CACNA2D2: variants seen among roughly 807,000 people sequenced by gnomAD.
CACNA2D2 encodes calcium voltage-gated channel auxiliary subunit alpha2delta 2.
A neutral mutation model predicts 166.4 loss-of-function variants in CACNA2D2; 48 were observed. The ratio of observed to expected loss-of-function variants is 0.29; its 90% CI spans 0.23 to 0.37. The LOEUF is 0.37. Ranked by LOEUF, CACNA2D2 falls within the 10% of genes least tolerant of loss-of-function variation. The pLI, the probability that CACNA2D2 is intolerant of heterozygous loss-of-function variation, is 1.00. For synonymous variants in CACNA2D2, 561 were observed against 573.7 expected (o/e 0.98, Z 0.32); for missense variants, 1,122 against 1,433.0 (o/e 0.78, Z 3.50).
At chr3:50,433,745 C>G (rs1362765092) in intron 3 of CACNA2D2, among the ~76,000 whole-genome samples, 3 of 152,178 alleles carry the variant, frequency 2.0e-5, no homozygotes, top group African/African-American at 7.2e-5. Flanking sequence ...TGTTACCCCT[C>G]AGAACTATAG....
chr3:50,420,886 G>A (rs1707526742), intron 3 of CACNA2D2, among the ~76,000 whole-genome samples: 1 of 152,188 alleles, frequency 6.6e-6, no homozygotes, highest in Non-Finnish European at 1.5e-5. Flanking sequence ...CTGTGAGTGG[G>A]AAAGGCCACT....
intron 3 of CACNA2D2, among the ~76,000 whole-genome samples, chr3:50,425,217 C>G (rs1375885424): frequency 2.6e-5 from 4 of 152,210 alleles, no homozygotes; most frequent in African/African-American, 9.7e-5. Context: ...CCAAACCTTC[C>G]AGGTTCCCCT....
chr3:50,378,960 T>C lies in CACNA2D2; in HGVS notation c.1294A>G (p.Asn432Asp). 2 of 1,613,862 alleles carry C rather than the reference T, an allele frequency of 1.2e-6. No homozygotes were observed. The highest frequency in any genetic ancestry group is 1.7e-6 in the Non-Finnish European group (2 of 1,180,008). Residue 432 changes from asparagine (N) to aspartate (D), a missense_variant, in exon 13 of 38, where the codon AAC (asparagine) becomes GAC (aspartate). Asn to Asp is a conservative substitution (Grantham distance 23). Transcript: ENST00000424201. ...RVFTFSVGQH[N>D]YDVTPLQWMA... ...CACTGCAGCGGTGTGACGTCATAGT[T>C]ATGCTGCCCCACGGAGAAAGTAAAC...
chr3:50,471,387 G>T (rs1480765976), intron 2 of CACNA2D2, among the ~76,000 whole-genome samples: 3 of 152,148 alleles, frequency 2.0e-5, no homozygotes, highest in Admixed American at 6.5e-5. Context: ...GTGGGGTCTA[G>T]GGGGGACAGC....
intron 4 of CACNA2D2, among the ~76,000 whole-genome samples, chr3:50,387,839 C>CA (rs922980189): frequency 1.3e-5 from 2 of 152,320 alleles, no homozygotes; most frequent in East Asian, 1.9e-4. Flanking sequence ...TGCAGTACCC[C>CA]TCGACTGAGA....
chr3:50,409,814 C>T (rs1274381267), intron 3 of CACNA2D2, among the ~76,000 whole-genome samples: 1 of 152,190 alleles, frequency 6.6e-6, no homozygotes, highest in Non-Finnish European at 1.5e-5. Flanking sequence ...GTGGATCAGA[C>T]AGCGTGGAGT....
chr3:50,458,621 G>A (rs1178881143), intron 2 of CACNA2D2, among the ~76,000 whole-genome samples: 1 of 152,240 alleles, frequency 6.6e-6, no homozygotes, highest in Non-Finnish European at 1.5e-5. Flanking sequence ...GAAAGCAATG[G>A]TGCCTGGCGA....
intron 4 of CACNA2D2, among the ~76,000 whole-genome samples, chr3:50,388,183 G>A (rs1705709336): frequency 6.6e-6 from 1 of 152,212 alleles, no homozygotes; most frequent in Non-Finnish European, 1.5e-5. Context: ...CCTGTCCCTG[G>A]CCCATGTCTG....
intron 1 of CACNA2D2, among the ~76,000 whole-genome samples, chr3:50,476,485 T>C (rs1251911862): frequency 6.6e-6 from 1 of 152,204 alleles, no homozygotes; most frequent in Non-Finnish European, 1.5e-5. Flanking sequence ...GCAGTGAGGC[T>C]ACTTTTCATT....
intron 3 of CACNA2D2, among the ~76,000 whole-genome samples, chr3:50,414,848 G>A (rs1707194441): frequency 6.6e-6 from 1 of 152,264 alleles, no homozygotes; most frequent in South Asian, 2.1e-4. Context: ...GCGGCGCAGG[G>A]CTCCGGGAGC....
intron 2 of CACNA2D2, among the ~76,000 whole-genome samples, chr3:50,442,661 G>T (rs990772133): frequency 6.6e-6 from 1 of 152,176 alleles, no homozygotes; most frequent in Non-Finnish European, 1.5e-5. Flanking sequence ...CAGGGCCCAT[G>T]GGGCACTGGC....
At chr3:50,498,980 G>A (rs1351751339) in intron 1 of CACNA2D2, among the ~76,000 whole-genome samples, 3 of 152,230 alleles carry the variant, frequency 2.0e-5, no homozygotes, top group African/African-American at 7.2e-5. Flanking sequence ...CATGACCACG[G>A]GCTCTGAGGT....
chr3:50,394,509 G>A (rs1706050595), intron 3 of CACNA2D2, among the ~76,000 whole-genome samples: 1 of 152,220 alleles, frequency 6.6e-6, no homozygotes, highest in Admixed American at 6.5e-5. Context: ...AAGCTCCTCT[G>A]GAGCTAAGGC....
intron 3 of CACNA2D2, among the ~76,000 whole-genome samples, chr3:50,425,686 T>C (rs981825018): frequency 6.6e-6 from 1 of 152,130 alleles, no homozygotes; most frequent in African/African-American, 2.4e-5. Context: ...CTCCACCTCT[T>C]TGCATCTGCT....
Position 50,402,896 on chromosome 3 carries a change from G to A in CACNA2D2, c.406-8728C>T, listed in dbSNP as rs547435830. 2.2e-4 allele frequency among the ~76,000 whole-genome samples: 34 copies of A among 151,420 alleles called. No homozygotes were observed. In the South Asian group the frequency reaches 2.7e-3, roughly 12 times the overall value. Reference sequence around the variant, plus strand: ...TGAGGGTACCCATCCAGGGGCCGTCGGCCACTCTGGCTAGGGGAGCAGGGA... The same window carrying A: ...TGAGGGTACCCATCCAGGGGCCGTCAGCCACTCTGGCTAGGGGAGCAGGGA... On this transcript the variant is annotated intron_variant, in intron 3 of 37. Coordinates refer to ENST00000424201, the MANE Select transcript of CACNA2D2 (RefSeq NM_006030.4).
chr3:50,408,594 G>A (rs947665197), intron 3 of CACNA2D2, among the ~76,000 whole-genome samples: 1 of 152,250 alleles, frequency 6.6e-6, no homozygotes, highest in South Asian at 2.1e-4. Context: ...TTATTACGAG[G>A]AGTAAAGGCG....
At chr3:50,473,908 C>A (rs760705914) in intron 2 of CACNA2D2, among the ~76,000 whole-genome samples, 1 of 152,204 alleles carries the variant, frequency 6.6e-6, no homozygotes, top group Admixed American at 6.5e-5. Context: ...GCCGCTGGAG[C>A]GCTGGCAGCC....
intron 3 of CACNA2D2, among the ~76,000 whole-genome samples, chr3:50,408,545 TG>T (rs988874421): frequency 1.3e-5 from 2 of 152,248 alleles, no homozygotes; most frequent in Non-Finnish European, 2.9e-5. Context: ...CTCTGAATAC[TG>T]GCTGCATCCT....
Position 50,380,135 on chromosome 3 carries a change from G to T in CACNA2D2, c.843-117C>A. 1 of 1,027,724 alleles carries T rather than the reference G, an allele frequency of 9.7e-7. No homozygotes were observed. Among genetic ancestry groups the T allele is most frequent in the Non-Finnish European group, 1.5e-6 (1 of 670,100 alleles). 63.7% of individuals were successfully genotyped at this position (1,027,724 alleles called of 1,614,324 possible). On this transcript the variant is annotated intron_variant, in intron 8 of 37. Transcript: ENST00000424201. The surrounding 1 kb of genome is among the most constrained non-coding windows in gnomAD (Gnocchi z 4.9). Reference sequence around the variant, plus strand: ...CTTGAGCATGCACTGTGTGGGCCAGGCAGGGTTCTATGCACCGATGATACC... The same window carrying T: ...CTTGAGCATGCACTGTGTGGGCCAGTCAGGGTTCTATGCACCGATGATACC...
Sources: gnomAD v4.1 joint callset for allele counts (sites outside exome capture counted in the v4.1 genomes callset) on GRCh38, gnomAD v4.1.1 for gene constraint, Gnocchi (gnomAD v3.1) non-coding constraint, MANE v1.5 for transcripts, NCBI Gene and HGNC (gene_info 2026-07-23, HGNC 2026-07-21) for gene names.